Variants in DENND3 observed in about 807,000 individuals in gnomAD.
DENND3 encodes the protein DENN domain containing 3, also known as DENN domain-containing protein 3.
DENND3 carries 88 observed loss-of-function variants against 135.1 expected under a neutral mutation model. The ratio of observed to expected loss-of-function variants is 0.65; its 90% CI spans 0.55 to 0.78. The LOEUF is 0.78. Ranked by LOEUF, DENND3 falls within the 30% of genes least tolerant of loss-of-function variation. The probability of loss-of-function intolerance (pLI) is 0.00; values close to 1 mark genes in which losing one functional copy is unlikely to be tolerated. For missense variants in DENND3, 1,392 were observed against 1,688.4 expected, an observed-to-expected ratio of 0.82 and a Z score of 3.08; for synonymous variants, 693 against 712.3, an observed-to-expected ratio of 0.97 and a Z score of 0.43.
intron 5 of DENND3, among the ~76,000 whole-genome samples, chr8:141,145,803 T>TTA (rs60546894): frequency 0.018 from 1,562 of 86,474 alleles, 31 homozygotes; most frequent in Non-Finnish European, 0.027. Context: ...ATATTGAATA[T>TTA]TATATATATA....
At chr8:141,193,020 C>T in intron 22 of DENND3, 1 of 716,010 alleles carries the variant, frequency 1.4e-6, no homozygotes, top group Middle Eastern at 4.0e-4. Context: ...CCCTTCTCTC[C>T]CCCACCCGCT....
chr8:141,150,734 C>A, intron 5 of DENND3, 100 bp from the exon 6 acceptor site: 1 of 1,421,300 alleles, frequency 7.0e-7, no homozygotes, highest in Non-Finnish European at 9.3e-7. Flanking sequence ...GAAATGTTTT[C>A]TAACTCTGAT....
chr8:141,186,459 A>G (rs1327040609), intron 18 of DENND3, among the ~76,000 whole-genome samples: 1 of 152,200 alleles, frequency 6.6e-6, no homozygotes, highest in African/African-American at 2.4e-5. Flanking sequence ...GTGGCCCAGG[A>G]CGGCTTTGAA....
chr8:141,129,404 C>G (rs1326486928), intron 1 of DENND3, among the ~76,000 whole-genome samples: 1 of 152,148 alleles, frequency 6.6e-6, no homozygotes, highest in Non-Finnish European at 1.5e-5. Context: ...CTATTTTTCT[C>G]CCTTGCGGTA....
At position 141,182,992 on chromosome 8, in the gene DENND3, CG is replaced by C. The variant is rs911486749; in HGVS notation, c.2945-2141del. 1.9e-4 allele frequency among the ~76,000 whole-genome samples: 29 copies of C among 152,278 alleles called. No individual in the cohort carries two copies. Among genetic ancestry groups the C allele is most frequent in the Middle Eastern group, 6.8e-3 (2 of 294 alleles). On this transcript the variant is annotated intron_variant, in intron 17 of 22. Transcript: ENST00000519811. The surrounding 1 kb of genome is among the most constrained non-coding windows in gnomAD (Gnocchi z 5.9). ...TCAGGACGGAGGCAGCACTGCAGGG[CG>C]GGGGGTCGCTTGAATATCCTCAGGG...
In DENND3 at chr8:141,166,152, G is replaced by T; in HGVS notation, c.1554-38G>T. On this transcript the variant is annotated intron_variant, in intron 11 of 22. Transcript: ENST00000519811. The surrounding 1 kb of genome is among the most constrained non-coding windows in gnomAD (Gnocchi z 4.3). ...TTAGGCTTATTCTTCAATCATTATT[G>T]TGTCTATAAACTAACGCGTTGCTTT... The T allele has an allele frequency of 6.3e-7, 1 of 1,588,514 alleles. No homozygotes were observed. Among genetic ancestry groups the T allele is most frequent in the Non-Finnish European group, 8.6e-7 (1 of 1,157,338 alleles).
At chr8:141,162,258 G>A (rs1456304294) in intron 9 of DENND3, among the ~76,000 whole-genome samples, 1 of 152,072 alleles carries the variant, frequency 6.6e-6, no homozygotes, top group South Asian at 2.1e-4. Flanking sequence ...TTTGTTCTTT[G>A]AAGATGAAAT....
rs765663104 is a variant in DENND3 at position 141,178,213 on chromosome 8, C to T, written c.2836+17C>T. 3.7e-6 allele frequency: 6 copies of T among 1,603,660 alleles called. No homozygotes were observed. The African/African-American group carries it at 6.7e-5, about 18-fold the overall frequency. On this transcript the variant is annotated intron_variant, in intron 16 of 22. Transcript: ENST00000519811. ...GTAACGAAAGTAAGATAAGCCCGTT[C>T]TTAGCGTGGATCATTGTCCTGATTA...
chr8:141,185,966 A>T (rs762697947), intron 18 of DENND3, among the ~76,000 whole-genome samples: 3 of 149,912 alleles, frequency 2.0e-5, no homozygotes, highest in Non-Finnish European at 4.4e-5. Flanking sequence ...TTTTTGAGAC[A>T]GGGTCTTGCT....
Position 141,158,050 on chromosome 8 carries a change from G to T in DENND3, c.1196+2080G>T. 3 of 1,194,078 alleles carry T rather than the reference G, an allele frequency of 2.5e-6. No individual in the cohort carries two copies. In the African/African-American group the frequency reaches 4.8e-5, roughly 19 times the overall value. The allele number at this position is 1,194,078 out of a possible 1,614,324, so 74.0% of individuals were successfully genotyped here. On this transcript the variant is annotated intron_variant, in intron 8 of 22. Transcript: ENST00000519811. ...GCTCAGATTACAGGCGTGAGCCACC[G>T]CGCCCAGTCGGAGAACTACCTTTAT...
At chr8:141,183,095 A>G (rs1823385236) in intron 17 of DENND3, among the ~76,000 whole-genome samples, 1 of 152,204 alleles carries the variant, frequency 6.6e-6, no homozygotes, top group South Asian at 2.1e-4. Context: ...CGGTGGTAAA[A>G]GGCAAATGTG....
In DENND3 at chr8:141,138,784, G is replaced by A. The variant is rs1817098072; in HGVS notation, c.501+647G>A. ...CTGCTTGTCTGACTTCTTTCCCTCA[G>A]CATGTTTTGATGTTCATGTGCATGG... On this transcript the variant is annotated intron_variant, in intron 3 of 22. Transcript: ENST00000519811. This position sits in a 1 kb window ranked among gnomAD's most constrained non-coding sequence, Gnocchi z 4.8. 6.6e-6 allele frequency among the ~76,000 whole-genome samples: 1 copy of A among 152,212 alleles called. No homozygotes were observed. The highest frequency in any genetic ancestry group is 1.5e-5 in the Non-Finnish European group (1 of 68,040).
At chr8:141,162,556 C>T (rs1820266931) in intron 9 of DENND3, among the ~76,000 whole-genome samples, 1 of 152,116 alleles carries the variant, frequency 6.6e-6, no homozygotes, top group Non-Finnish European at 1.5e-5. Context: ...TAAGGTTATT[C>T]ATTCTATTTA....
rs754378452 is a variant in DENND3 at position 141,144,120 on chromosome 8, G to A, written c.624-28G>A. The A allele has an allele frequency of 1.0e-5, 16 of 1,573,398 alleles. No individual in the cohort carries two copies. Among genetic ancestry groups the A allele is most frequent in the Non-Finnish European group, 1.3e-5 (15 of 1,150,364 alleles). ...AACTGCGTTCTCATCTTTATTTTGC[G>A]GTTTGAGTTTTGTGTTTCGAATTTC... is the stretch of plus-strand genomic sequence containing the variant. On this transcript the variant is annotated intron_variant, in intron 4 of 22. Coordinates refer to ENST00000519811, the MANE Select transcript of DENND3 (RefSeq NM_001352890.3). The surrounding 1 kb of genome is among the most constrained non-coding windows in gnomAD (Gnocchi z 4.4).
chr8:141,166,147 T>C lies in DENND3; in HGVS notation c.1554-43T>C. ...TTAGTTTAGGCTTATTCTTCAATCA[T>C]TATTGTGTCTATAAACTAACGCGTT... On this transcript the variant is annotated intron_variant, in intron 11 of 22. Transcript: ENST00000519811. This position sits in a 1 kb window ranked among gnomAD's most constrained non-coding sequence, Gnocchi z 4.3. The C allele has an allele frequency of 1.3e-6, 2 of 1,582,986 alleles. No homozygotes were observed. Among genetic ancestry groups the C allele is most frequent in the Non-Finnish European group, 1.7e-6 (2 of 1,152,402 alleles).
chr8:141,132,419 G>T (rs1816239639), intron 1 of DENND3, among the ~76,000 whole-genome samples: 1 of 152,046 alleles, frequency 6.6e-6, no homozygotes, highest in South Asian at 2.1e-4. Flanking sequence ...GTACAATGGT[G>T]CCATCTCGGC....
rs548466626 is a variant in DENND3, at chr8:141,175,244, A to T, written c.2320A>T (p.Asn774Tyr). Residue 774 changes from asparagine to tyrosine, a missense_variant, in exon 14 of 23, where the codon AAC becomes TAC. Physicochemically the swap from Asn to Tyr is moderately radical, Grantham distance 143. Transcript: ENST00000519811. This position sits in a 1 kb window ranked among gnomAD's most constrained non-coding sequence, Gnocchi z 5.4. ...CCCAGAAACATTCAAAGATTTCTAC[A>T]ACTGCTGGAAGGAGACGGAAGCAGA... ...IDPETFKDFY[N>Y]CWKETEAEAQ... The T allele has an allele frequency of 6.2e-7, 1 of 1,614,168 alleles. No homozygotes were observed. The highest frequency in any genetic ancestry group is 1.1e-5 in the South Asian group (1 of 91,074).
At chr8:141,162,096 C>T (rs571661673) in intron 9 of DENND3, among the ~76,000 whole-genome samples, 3 of 152,244 alleles carry the variant, frequency 2.0e-5, no homozygotes, top group East Asian at 1.9e-4. Flanking sequence ...TGAGCCATAG[C>T]GCCCAGCCTG....
At chr8:141,193,742 C>T (rs1825080299) in intron 22 of DENND3, 2 of 500,168 alleles carry the variant, frequency 4.0e-6, no homozygotes, top group South Asian at 3.0e-5. Flanking sequence ...CCATATCTGT[C>T]ACCTCACACA....
Sources: allele counts gnomAD v4.1 joint callset (sites outside exome capture counted in the v4.1 genomes callset), GRCh38; gene constraint gnomAD v4.1.1; non-coding constraint Gnocchi (gnomAD v3.1); transcripts MANE v1.5; gene names NCBI Gene and HGNC (gene_info 2026-07-23, HGNC 2026-07-21).